The following TTC7A variants were observed in gnomAD, a reference collection of about 807,000 sequenced individuals.
TTC7A encodes the protein tetratricopeptide repeat protein 7A.
TTC7A carries 110 observed loss-of-function variants against 103.7 expected under a neutral mutation model. The ratio of observed to expected loss-of-function variants is 1.06; its 90% CI spans 0.91 to 1.24. The LOEUF (loss-of-function observed/expected upper bound fraction) is 1.24. TTC7A is among the 50% of genes most tolerant of loss of function. The pLI is 0.00. For missense variants in TTC7A, 1,340 were observed against 1,116.3 expected, an observed-to-expected ratio of 1.20 and a Z score of -2.86; for synonymous variants, 521 against 467.9, an observed-to-expected ratio of 1.11 and a Z score of -1.47.
At chr2:47,031,760 C>G (rs1680568133) in intron 15 of TTC7A, among the ~76,000 whole-genome samples, 1 of 152,252 alleles carries the variant, frequency 6.6e-6, no homozygotes, top group African/African-American at 2.4e-5. Context: ...TTGCTGACTT[C>G]TGAGCTGATT....
At chr2:47,053,526 GT>G (rs1345466377) in intron 18 of TTC7A, among the ~76,000 whole-genome samples, 1 of 135,796 alleles carries the variant, frequency 7.4e-6, no homozygotes, top group Non-Finnish European at 1.6e-5. Flanking sequence ...TTTTTGGTGG[GT>G]TTTTTTGTTT....
At chr2:46,946,454 T>A (rs1255533500) in intron 1 of TTC7A, among the ~76,000 whole-genome samples, 1 of 152,166 alleles carries the variant, frequency 6.6e-6, no homozygotes, top group African/African-American at 2.4e-5. Flanking sequence ...GATGAGGTAT[T>A]GCCCTGTTGC....
In TTC7A at chr2:47,060,932, C is replaced by T; in HGVS notation, c.2316C>T (p.Leu772=). ...CCAAGCAGCTGTACAAGGAGGCGCT[C>T]ACGGTGAACCCAGATGGCGTGCGCA... ...EEAKQLYKEA[L]TVNPDGVRIM... is the part of the protein sequence containing the mutation. Residue 772 remains leucine, a synonymous_variant, in exon 19 of 20, where the codon CTC becomes CTT. Transcript: ENST00000319190. 1.9e-6 allele frequency: 3 copies of T among 1,614,032 alleles called. No individual in the cohort carries two copies. Among genetic ancestry groups the T allele is most frequent in the Non-Finnish European group, 2.5e-6 (3 of 1,179,972 alleles).
chr2:46,932,877 A>G (rs13398851), intron 2 of TTC7A, among the ~76,000 whole-genome samples: 25,047 of 148,646 alleles, frequency 0.17, 2,531 homozygotes, highest in African/African-American at 0.28. Flanking sequence ...CTCCAGCCTG[A>G]GCAACAGAGT....
intron 15 of TTC7A, among the ~76,000 whole-genome samples, chr2:47,042,698 GTGTGTA>G (rs1371188618): frequency 7.2e-6 from 1 of 138,568 alleles, no homozygotes; most frequent in Non-Finnish European, 1.6e-5. Context: ...GTGTGTGTGT[GTGTGTA>G]TATATATGTA....
At chr2:47,017,569 T>C (rs1251970602) in intron 11 of TTC7A, among the ~76,000 whole-genome samples, 1 of 152,032 alleles carries the variant, frequency 6.6e-6, no homozygotes, top group Non-Finnish European at 1.5e-5. Flanking sequence ...TGAAATAGAC[T>C]GTAGATTATC....
chr2:46,998,431 G>A (rs1054006516), intron 8 of TTC7A, among the ~76,000 whole-genome samples: 4 of 152,068 alleles, frequency 2.6e-5, no homozygotes, highest in South Asian at 2.1e-4. Flanking sequence ...GAGGACTAGG[G>A]TATGGGTTCC....
chr2:46,996,949 G>T (rs1676254146), intron 8 of TTC7A, among the ~76,000 whole-genome samples: 1 of 150,690 alleles, frequency 6.6e-6, no homozygotes, highest in African/African-American at 2.4e-5. Context: ...TGGAAACACA[G>T]AGTTTTTTTT....
chr2:46,965,431 G>C (rs866531937), intron 3 of TTC7A, among the ~76,000 whole-genome samples: 1 of 152,216 alleles, frequency 6.6e-6, no homozygotes, highest in African/African-American at 2.4e-5. Context: ...CAGGTGAGAG[G>C]CTGGCTTCCA....
intron 8 of TTC7A, among the ~76,000 whole-genome samples, chr2:46,997,342 G>T (rs1301139717): frequency 6.6e-6 from 1 of 152,142 alleles, no homozygotes; most frequent in East Asian, 1.9e-4. Flanking sequence ...CAGGTAGGTG[G>T]TGAAAGGCTG....
chr2:46,957,409 G>A (rs566670817), intron 3 of TTC7A, among the ~76,000 whole-genome samples: 1 of 152,356 alleles, frequency 6.6e-6, no homozygotes, highest in Admixed American at 6.5e-5. Flanking sequence ...CCTCTCACTG[G>A]CAGGCTGGCT....
At position 47,007,548 on chromosome 2, in the gene TTC7A, A is replaced by G. The variant is rs1256589299; in HGVS notation, c.1287+824A>G. Among the ~76,000 whole-genome samples the G allele has an allele frequency of 6.6e-6, 1 of 151,914 alleles. No individual in the cohort carries two copies. Among genetic ancestry groups the G allele is most frequent in the Admixed American group, 6.5e-5 (1 of 15,274 alleles). On this transcript the variant is annotated intron_variant, in intron 10 of 19. Transcript: ENST00000319190. The surrounding 1 kb of genome is among the most constrained non-coding windows in gnomAD (Gnocchi z 4.9). ...AGGGAATTCCTCGCCCCCCTGGCCC[A>G]TCTGTGCCACGTTCCATTTCTGGCC...
intron 2 of TTC7A, among the ~76,000 whole-genome samples, chr2:46,924,043 A>G (rs967256220): frequency 6.6e-6 from 1 of 151,712 alleles, no homozygotes; most frequent in African/African-American, 2.4e-5. Context: ...GCCTATAGAA[A>G]ATTTTTTAAA....
upstream of TTC7A, chr2:46,916,072 T>G: frequency 1.0e-6 from 1 of 985,420 alleles, no homozygotes; most frequent in South Asian, 4.7e-5. Context: ...CCGGAAGCCC[T>G]CAGGAACGTA....
chr2:47,025,126 A>C (rs59993194), intron 14 of TTC7A, among the ~76,000 whole-genome samples: 25,298 of 152,156 alleles, frequency 0.17, 2,192 homozygotes, highest in African/African-American at 0.22. Flanking sequence ...TCCTTGCCGG[A>C]ACCACCCAGG....
At chr2:46,941,035 C>A (rs1449652664), upstream of TTC7A, 1 of 151,626 alleles carries the variant, frequency 6.6e-6, no homozygotes, top group African/African-American at 2.4e-5. The surrounding 1 kb of genome is among the most constrained non-coding windows in gnomAD (Gnocchi z 4.2). Flanking sequence ...GCTCCGACTC[C>A]GCGGCGGGGG....
At chr2:46,982,537 G>A (rs555748345) in intron 5 of TTC7A, among the ~76,000 whole-genome samples, 150 of 152,318 alleles carry the variant, frequency 9.8e-4, no homozygotes, top group African/African-American at 3.5e-3. Flanking sequence ...GTGTGCATGG[G>A]CAAGTCCCTT....
intron 6 of TTC7A, among the ~76,000 whole-genome samples, chr2:46,994,031 A>T (rs541175686): frequency 6.6e-6 from 1 of 152,166 alleles, no homozygotes; most frequent in African/African-American, 2.4e-5. Context: ...GCTCTTCCCA[A>T]TACTGCAAGG....
intron 2 of TTC7A, among the ~76,000 whole-genome samples, chr2:46,930,604 AT>A (rs1006790536): frequency 5.3e-5 from 8 of 150,626 alleles, no homozygotes; most frequent in African/African-American, 2.0e-4. Flanking sequence ...GGTTCAAGCG[AT>A]TCTCCTGCCT....
Sources: allele counts gnomAD v4.1 joint callset (sites outside exome capture counted in the v4.1 genomes callset), GRCh38; gene constraint gnomAD v4.1.1; non-coding constraint Gnocchi (gnomAD v3.1); transcripts MANE v1.5; gene names NCBI Gene and HGNC (gene_info 2026-07-23, HGNC 2026-07-21).